The following ERBIN variants were observed in gnomAD, a reference collection of about 807,000 sequenced individuals.
ERBIN encodes erbb2 interacting protein.
In ERBIN, 60 loss-of-function variants were observed where a neutral mutation model predicts 158.4. The ratio of observed to expected loss-of-function variants is 0.38; its 90% CI spans 0.31 to 0.47. The LOEUF is 0.47. Ranked by LOEUF, ERBIN falls within the 20% of genes least tolerant of loss-of-function variation. The pLI, the probability that ERBIN is intolerant of heterozygous loss-of-function variation, is 0.99. For missense variants in ERBIN, 1,610 were observed against 1,648.0 expected (o/e 0.98, Z 0.40); for synonymous variants, 594 against 557.2 (o/e 1.07, Z -0.93).
At chr5:66,074,902 ATTGT>A (rs1761849039) in intron 22 of ERBIN, 118 bp from the exon 23 acceptor site, 2 of 754,666 alleles carry the variant, frequency 2.7e-6, no homozygotes, top group Non-Finnish European at 4.3e-6. Flanking sequence ...GTGGCATGGT[ATTGT>A]TTGACTTAAT....
intron 1 of ERBIN, among the ~76,000 whole-genome samples, chr5:65,988,418 T>C (rs928887418): frequency 7.0e-6 from 1 of 143,746 alleles, no homozygotes; most frequent in African/African-American, 2.8e-5. Context: ...CTGGTAAATA[T>C]GTGTGTGTGT....
intron 1 of ERBIN, among the ~76,000 whole-genome samples, chr5:65,981,403 G>C (rs963676098): frequency 1.3e-5 from 2 of 152,020 alleles, no homozygotes; most frequent in African/African-American, 2.4e-5. Context: ...AAAATATAGA[G>C]AAGAAAGCAG....
chr5:65,952,335 T>C (rs571226491), intron 1 of ERBIN, among the ~76,000 whole-genome samples: 1 of 152,266 alleles, frequency 6.6e-6, no homozygotes, highest in African/African-American at 2.4e-5. Context: ...TACTGTATTA[T>C]ACTTCTAAAA....
intron 1 of ERBIN, among the ~76,000 whole-genome samples, chr5:65,968,529 A>G (rs1208963201): frequency 1.3e-5 from 2 of 152,196 alleles, no homozygotes; most frequent in Non-Finnish European, 2.9e-5. Context: ...AGGCAGAATT[A>G]CTTGCATTAT....
At chr5:66,014,390 A>G (rs1279556034) in intron 6 of ERBIN, among the ~76,000 whole-genome samples, 1 of 152,180 alleles carries the variant, frequency 6.6e-6, no homozygotes, top group Non-Finnish European at 1.5e-5. Context: ...CATTTTTGGT[A>G]AAAGGTATGA....
At chr5:65,935,207 T>TG (rs1211485754) in intron 1 of ERBIN, among the ~76,000 whole-genome samples, 4 of 152,164 alleles carry the variant, frequency 2.6e-5, no homozygotes, top group African/African-American at 7.2e-5. Flanking sequence ...GGGGTTTTAT[T>TG]GGGGTACTAA....
intron 21 of ERBIN, among the ~76,000 whole-genome samples, chr5:66,070,766 A>T (rs985897883): frequency 6.6e-6 from 1 of 152,224 alleles, no homozygotes; most frequent in Non-Finnish European, 1.5e-5. Flanking sequence ...CATGGTTTGA[A>T]CTAACTGCAC....
chr5:66,075,758 AAC>A (rs1005118069), intron 23 of ERBIN, among the ~76,000 whole-genome samples: 44 of 152,306 alleles, frequency 2.9e-4, no homozygotes, highest in African/African-American at 8.2e-4. Flanking sequence ...AGTGTTTTAT[AAC>A]ACAGTTTTAA....
intron 1 of ERBIN, among the ~76,000 whole-genome samples, chr5:65,967,934 A>G (rs2150978572): frequency 1.3e-5 from 2 of 152,306 alleles, no homozygotes; most frequent in South Asian, 4.1e-4. Flanking sequence ...GAGTTTCCTT[A>G]CAGCAAGTGG....
chr5:66,018,506 T>TTATATAATATATAATATATAA lies in ERBIN; in HGVS notation c.534-2810_534-2809insATATATAATATATAATATATA. Among the ~76,000 whole-genome samples, 11 of 5,590 alleles carry TTATATAATATATAATATATAA rather than the reference T, an allele frequency of 2.0e-3. 2 individuals carry two copies. The highest frequency in any genetic ancestry group is 3.6e-3 in the Non-Finnish European group (10 of 2,794). 3.7% of individuals were successfully genotyped at this position (5,590 alleles called of 152,430 possible). ...TATATATTATATTATATAATATATA[T>TTATATAATATATAATATATAA]TATATATTATATAATATATATTATA... On this transcript the variant is annotated intron_variant, in intron 7 of 25. Coordinates refer to ENST00000284037, the MANE Select transcript of ERBIN (RefSeq NM_001253697.2).
Position 66,078,641 on chromosome 5 carries a change from T to G in ERBIN, c.*111T>G. ...ATATAAAGAAGAACTCAAAAAATTA[T>G]GTTCAAATTTGTACATTAATGAAAT... On this transcript the variant is annotated 3_prime_UTR_variant, in exon 26 of 26. Coordinates refer to ENST00000284037, the MANE Select transcript of ERBIN (RefSeq NM_001253697.2). The G allele has an allele frequency of 2.9e-6, 2 of 689,660 alleles. No homozygotes were observed. Among genetic ancestry groups the G allele is most frequent in the Non-Finnish European group, 5.0e-6 (2 of 397,266 alleles). 42.7% of individuals were successfully genotyped at this position (689,660 alleles called of 1,614,324 possible). A position where few individuals can be genotyped will look rare whatever the true frequency, so the allele number is the denominator to read the frequency against.
intron 1 of ERBIN, among the ~76,000 whole-genome samples, chr5:65,979,557 A>C (rs1022425290): frequency 6.6e-6 from 1 of 152,248 alleles, no homozygotes; most frequent in Non-Finnish European, 1.5e-5. Context: ...CTTATAGATG[A>C]CCCAATTATT....
chr5:66,063,267 G>C (rs900768061), intron 21 of ERBIN, among the ~76,000 whole-genome samples: 2 of 152,186 alleles, frequency 1.3e-5, no homozygotes, highest in African/African-American at 4.8e-5. Context: ...GCCTCGCTGT[G>C]GCCTTGCAGT....
intron 2 of ERBIN, among the ~76,000 whole-genome samples, chr5:65,989,779 A>G (rs1751671136): frequency 6.6e-6 from 1 of 152,204 alleles, no homozygotes. Context: ...AGCTTTTAAT[A>G]CTAAGTGTAA....
intron 1 of ERBIN, among the ~76,000 whole-genome samples, chr5:65,943,665 A>G (rs1248185530): frequency 6.6e-6 from 1 of 152,012 alleles, no homozygotes; most frequent in Non-Finnish European, 1.5e-5. Context: ...CCTTCTTTGG[A>G]TTTATATATT....
At chr5:65,939,565 CCT>C (rs1470128210) in intron 1 of ERBIN, among the ~76,000 whole-genome samples, 2 of 152,096 alleles carry the variant, frequency 1.3e-5, no homozygotes, top group East Asian at 3.9e-4. Flanking sequence ...TCTCCCTCTC[CCT>C]CTCTTTCCAC....
At chr5:65,987,367 T>TACACAC (rs56222591) in intron 1 of ERBIN, among the ~76,000 whole-genome samples, 7,147 of 135,738 alleles carry the variant, frequency 0.053, 482 homozygotes, top group Admixed American at 0.2. Context: ...AGAGACTGTC[T>TACACAC]ACACACACAC....
rs1762321207 is a variant in ERBIN at position 66,080,150 on chromosome 5, T to C, written c.*1620T>C. ...CAACCTTGATTTTAATTAAGACTTT[T>C]ATAAGACTAGCTTAAAACACCAACC... is the stretch of plus-strand genomic sequence containing the variant. On this transcript the variant is annotated 3_prime_UTR_variant, in exon 26 of 26. Coordinates refer to ENST00000284037, the MANE Select transcript of ERBIN (RefSeq NM_001253697.2). The C allele has an allele frequency of 6.6e-6, 1 of 152,598 alleles. No homozygotes were observed. Among genetic ancestry groups the C allele is most frequent in the Admixed American group, 6.5e-5 (1 of 15,280 alleles). The allele number at this position is 152,598 out of a possible 1,614,324, so 9.5% of individuals were successfully genotyped here.
Position 65,954,386 on chromosome 5 carries a change from G to C in ERBIN, c.-58+27580G>C, listed in dbSNP as rs1291937124. On this transcript the variant is annotated intron_variant, in intron 1 of 25. Transcript: ENST00000284037. Reference sequence around the variant, plus strand: ...ACTCTTGGGAAAGTATGTTGTGCAAGAGATGAGAGTAACAGGTGAGAGTAC... The same window carrying C: ...ACTCTTGGGAAAGTATGTTGTGCAACAGATGAGAGTAACAGGTGAGAGTAC... 3.9e-5 allele frequency among the ~76,000 whole-genome samples: 6 copies of C among 152,310 alleles called. No homozygotes were observed. In the East Asian group the frequency reaches 1.2e-3, roughly 29 times the overall value.
Sources: gnomAD v4.1 joint callset for allele counts (sites outside exome capture counted in the v4.1 genomes callset) on GRCh38, gnomAD v4.1.1 for gene constraint, MANE v1.5 for transcripts, NCBI Gene and HGNC (gene_info 2026-07-23, HGNC 2026-07-21) for gene names.